The following STEAP1B variants were observed in gnomAD, a reference collection of about 807,000 sequenced individuals.
STEAP1B encodes the protein STEAP family protein MGC87042.
STEAP1B carries 13 observed loss-of-function variants against 27.9 expected under a neutral mutation model. The ratio of observed to expected loss-of-function variants is 0.47; its 90% CI spans 0.30 to 0.74. The LOEUF is 0.74. Ranked by LOEUF, STEAP1B falls within the 30% of genes least tolerant of loss-of-function variation. The pLI is 0.06. For synonymous variants in STEAP1B, 86 were observed against 107.1 expected (o/e 0.80, Z 1.22); for missense variants, 250 against 298.7 (o/e 0.84, Z 1.20).
At chr7:22,469,379 T>C (rs1327943415) in intron 4 of STEAP1B, among the ~76,000 whole-genome samples, 5 of 152,198 alleles carry the variant, frequency 3.3e-5, no homozygotes, top group Admixed American at 1.3e-4. Flanking sequence ...AGGCTAATTA[T>C]TGAAGAATGT....
At position 22,493,402 on chromosome 7, in the gene STEAP1B, T is replaced by C. The variant is rs1368222063; in HGVS notation, c.519A>G (p.Val173=). The C allele has an allele frequency of 1.2e-5, 20 of 1,614,158 alleles. No individual in the cohort carries two copies. The highest frequency in any genetic ancestry group is 2.2e-5 in the South Asian group (2 of 91,080). ...QFGLLSLFFA[V]LHAIYTLSYA... is the part of the protein sequence containing the mutation. ...AAGACAGAGTATAAATTGCATGCAGTACAGCAAAAAACAAACTGAGAAGCC... is the reference window on the plus strand; with the variant it reads ...AAGACAGAGTATAAATTGCATGCAGCACAGCAAAAAACAAACTGAGAAGCC... Residue 173 remains valine, a synonymous_variant, in exon 3 of 5, where the codon GTA becomes GTG. Transcript: ENST00000678116.
At chr7:22,474,405 C>G (rs961276163) in intron 4 of STEAP1B, among the ~76,000 whole-genome samples, 3 of 152,132 alleles carry the variant, frequency 2.0e-5, no homozygotes, top group African/African-American at 7.2e-5. Context: ...AGTCTGCATC[C>G]AAGTTTAAGA....
chr7:22,437,589 T>C (rs760297206), intron 4 of STEAP1B, among the ~76,000 whole-genome samples: 25 of 152,248 alleles, frequency 1.6e-4, no homozygotes, highest in Admixed American at 2.6e-4. Flanking sequence ...CTCTTGGACA[T>C]ACTGATTTCA....
intron 4 of STEAP1B, among the ~76,000 whole-genome samples, chr7:22,460,255 G>T (rs1442200664): frequency 6.6e-6 from 1 of 151,596 alleles, no homozygotes; most frequent in African/African-American, 2.4e-5. Context: ...TTGAGCCTGG[G>T]AGGTCAAGGC....
intron 4 of STEAP1B, among the ~76,000 whole-genome samples, chr7:22,423,422 T>C (rs1785067781): frequency 1.3e-5 from 2 of 152,232 alleles, no homozygotes; most frequent in African/African-American, 2.4e-5. Context: ...TGGACAATTA[T>C]TCAGCAATAA....
chr7:22,478,594 G>T (rs1786014006), intron 4 of STEAP1B, among the ~76,000 whole-genome samples: 1 of 152,030 alleles, frequency 6.6e-6, no homozygotes, highest in Non-Finnish European at 1.5e-5. Context: ...AGCCTCTCTG[G>T]GTCTGTATTC....
At chr7:22,438,551 G>A (rs1376428862) in intron 4 of STEAP1B, 3 of 1,552,026 alleles carry the variant, frequency 1.9e-6, no homozygotes, top group East Asian at 2.4e-5. Flanking sequence ...AGATGAAGCT[G>A]AAACATGTGA....
At chr7:22,448,476 GT>G (rs1368446051) in intron 4 of STEAP1B, among the ~76,000 whole-genome samples, 1 of 152,008 alleles carries the variant, frequency 6.6e-6, no homozygotes, top group African/African-American at 2.4e-5. Flanking sequence ...TTAAAAATAT[GT>G]TATCATTCTA....
chr7:22,492,445 G>C, intron 4 of STEAP1B, 120 bp downstream of exon 4: 2 of 1,370,392 alleles, frequency 1.5e-6, no homozygotes, highest in Non-Finnish European at 1.9e-6. Flanking sequence ...ACTGGAACAA[G>C]TACAAGATCT....
At chr7:22,421,708 T>C (rs77077939) in intron 4 of STEAP1B, among the ~76,000 whole-genome samples, 1 of 152,174 alleles carries the variant, frequency 6.6e-6, no homozygotes, top group Non-Finnish European at 1.5e-5. Context: ...AGTAAAAAGA[T>C]TTTTCTAAAC....
At position 22,419,715 on chromosome 7, in the gene STEAP1B, A is replaced by T. The variant is rs1029907525; in HGVS notation, c.*89T>A. The T allele has an allele frequency of 2.1e-6, 3 of 1,416,498 alleles. No individual in the cohort carries two copies. The African/African-American group carries it at 4.3e-5, about 20-fold the overall frequency. The allele number at this position is 1,416,498 out of a possible 1,614,324, so 87.7% of individuals were successfully genotyped here. On this transcript the variant is annotated 3_prime_UTR_variant, in exon 5 of 5. Transcript: ENST00000678116. ...TGGCTGTTCATTGTGGCAGAGGGAA[A>T]GGGCACTGGGTGGTGTTCTGCATGA...
chr7:22,439,780 C>A (rs991561219), intron 4 of STEAP1B, among the ~76,000 whole-genome samples: 2 of 152,132 alleles, frequency 1.3e-5, no homozygotes, highest in African/African-American at 4.8e-5. Flanking sequence ...ACAAATATTT[C>A]TACATATAAG....
chr7:22,497,514 T>C (rs1420896972), intron 1 of STEAP1B, among the ~76,000 whole-genome samples: 2 of 152,086 alleles, frequency 1.3e-5, no homozygotes, highest in African/African-American at 4.8e-5. Context: ...ACCACTGGCA[T>C]GTAAAAGAAT....
intron 4 of STEAP1B, among the ~76,000 whole-genome samples, chr7:22,477,945 A>T (rs1193682715): frequency 6.6e-6 from 1 of 152,170 alleles, no homozygotes; most frequent in Non-Finnish European, 1.5e-5. Context: ...CTCAAAAAAC[A>T]TAGGGAAAAA....
In STEAP1B at chr7:22,476,036, A is replaced by G. The variant is rs116416402; in HGVS notation, c.762+16529T>C. Among the ~76,000 whole-genome samples the G allele has an allele frequency of 4.3e-3, 648 of 152,122 alleles. 1 individual carries two copies. The highest frequency in any genetic ancestry group is 0.015 in the African/African-American group (622 of 41,504). On this transcript the variant is annotated intron_variant, in intron 4 of 4. Transcript: ENST00000678116. ...CCTCTTGAACCTGGTGCCACCCCCAATGGGGTGAATTGGGGTTTGGAACAA... is the reference window on the plus strand; with the variant it reads ...CCTCTTGAACCTGGTGCCACCCCCAGTGGGGTGAATTGGGGTTTGGAACAA...
At chr7:22,447,546 T>C (rs772039603) in intron 4 of STEAP1B, among the ~76,000 whole-genome samples, 8 of 152,228 alleles carry the variant, frequency 5.3e-5, no homozygotes, top group Non-Finnish European at 1.0e-4. Context: ...AAAGATGGAA[T>C]GTCCACAAAC....
intron 4 of STEAP1B, among the ~76,000 whole-genome samples, chr7:22,445,533 C>G (rs996458699): frequency 6.6e-6 from 1 of 152,252 alleles, no homozygotes; most frequent in African/African-American, 2.4e-5. Context: ...CACTTGGGAG[C>G]CCACAGCTGA....
intron 4 of STEAP1B, among the ~76,000 whole-genome samples, chr7:22,455,641 T>C (rs1305698022): frequency 6.6e-6 from 1 of 152,200 alleles, no homozygotes; most frequent in Non-Finnish European, 1.5e-5. Context: ...ATATTGCAAA[T>C]AACTTTTCCC....
At chr7:22,467,643 G>A (rs1001619721) in intron 4 of STEAP1B, among the ~76,000 whole-genome samples, 1 of 152,112 alleles carries the variant, frequency 6.6e-6, no homozygotes, top group Non-Finnish European at 1.5e-5. Context: ...TTTTATAAGG[G>A]GAAACCCCTT....
Sources: allele counts gnomAD v4.1 joint callset (sites outside exome capture counted in the v4.1 genomes callset), GRCh38; gene constraint gnomAD v4.1.1; transcripts MANE v1.5; gene names NCBI Gene and HGNC (gene_info 2026-07-23, HGNC 2026-07-21).